The following C1QTNF1 variants were observed in gnomAD, a reference collection of about 807,000 sequenced individuals.
The protein encoded by C1QTNF1 is C1q and TNF related 1.
A neutral mutation model predicts 27.8 loss-of-function variants in C1QTNF1; 22 were observed. That is an observed-to-expected ratio of 0.79 (90% confidence interval 0.56 to 1.13). C1QTNF1 has a LOEUF of 1.13. Ranked by LOEUF, C1QTNF1 falls within the 50% of genes most tolerant of loss-of-function variation. The pLI is 0.00. For missense variants in C1QTNF1, 373 were observed against 380.2 expected (o/e 0.98, Z 0.16); for synonymous variants, 166 against 154.3 (o/e 1.08, Z -0.56).
intron 1 of C1QTNF1, chr17:79,043,241 A>AAGTGTGCATGTGATG: frequency 2.3e-6 from 1 of 441,706 alleles, no homozygotes; most frequent in African/African-American, 2.4e-5. Context: ...TGCATGTGAT[A>AAGTGTGCATGTGATG]TGGGTATATG....
intron 1 of C1QTNF1, among the ~76,000 whole-genome samples, chr17:79,031,012 T>G (rs2072127317): frequency 6.7e-6 from 1 of 150,174 alleles, no homozygotes; most frequent in Non-Finnish European, 1.5e-5. Context: ...TCTTTTCTTT[T>G]TTTTTTTTTT....
In C1QTNF1 at chr17:79,049,641, C is replaced by T. The variant is rs2072702411; in HGVS notation, c.*1553C>T. The T allele has an allele frequency of 6.6e-6, 1 of 152,304 alleles. No individual in the cohort carries two copies. The highest frequency in any genetic ancestry group is 1.5e-5 in the Non-Finnish European group (1 of 68,132). 9.4% of individuals were successfully genotyped at this position (152,304 alleles called of 1,614,324 possible). A position where few individuals can be genotyped will look rare whatever the true frequency, so the allele number is the denominator to read the frequency against. ...GCCTGGCTGCCGGGATCTGGGGTCC[C>T]TAAGTCCCTCTCTTTAAAGAACTTC... On this transcript the variant is annotated 3_prime_UTR_variant, in exon 4 of 4. Transcript: ENST00000579760. The surrounding 1 kb of genome is among the most constrained non-coding windows in gnomAD (Gnocchi z 4.4).
At chr17:79,027,669 G>A (rs1286841803) in intron 1 of C1QTNF1, 9 of 152,326 alleles carry the variant, frequency 5.9e-5, no homozygotes, top group East Asian at 3.8e-4. Context: ...AGAGGCATGC[G>A]GTGTGAGCAG....
chr17:79,030,880 C>T (rs936795935), intron 1 of C1QTNF1, among the ~76,000 whole-genome samples: 13 of 151,914 alleles, frequency 8.6e-5, no homozygotes, highest in East Asian at 3.9e-4. Context: ...GGATTACAGG[C>T]GTGAGCTACT....
At position 79,047,825 on chromosome 17, in the gene C1QTNF1, T is replaced by A. The variant is rs1335744309; in HGVS notation, c.583T>A (p.Phe195Ile). ...FYCYVPGLYF[F>I]SLNVHTWNQK... ...CTGCTACGTGCCCGGCCTCTACTTC[T>A]TCAGCCTCAACGTGCACACCTGGAA... Residue 195 changes from phenylalanine to isoleucine, a missense_variant, in exon 4 of 4, where the codon TTC becomes ATC. Phe to Ile is a conservative substitution (Grantham distance 21). Coordinates refer to ENST00000579760, the MANE Select transcript of C1QTNF1 (RefSeq NM_030968.5). The A allele has an allele frequency of 6.2e-7, 1 of 1,614,202 alleles. No individual in the cohort carries two copies. The highest frequency in any genetic ancestry group is 1.7e-5 in the Admixed American group (1 of 60,024).
chr17:79,028,914 A>ATGTG (rs2072051810), intron 1 of C1QTNF1, among the ~76,000 whole-genome samples: 1 of 144,968 alleles, frequency 6.9e-6, no homozygotes, highest in South Asian at 2.2e-4. Flanking sequence ...GTGTGTGTGC[A>ATGTG]TGCACGCGCG....
At chr17:79,031,644 A>C (rs1403006772) in intron 1 of C1QTNF1, among the ~76,000 whole-genome samples, 1 of 151,754 alleles carries the variant, frequency 6.6e-6, no homozygotes, top group Non-Finnish European at 1.5e-5. Context: ...AAGTTTCACC[A>C]TGTCGGCCAG....
intron 1 of C1QTNF1, among the ~76,000 whole-genome samples, 200 bp downstream of exon 1, chr17:79,024,694 C>T (rs2071879846): frequency 6.6e-6 from 1 of 152,248 alleles, no homozygotes; most frequent in Non-Finnish European, 1.5e-5. Context: ...CTGGCTCAGC[C>T]CCCGCCATAG....
chr17:79,047,610 G>T lies in C1QTNF1; in HGVS notation c.368G>T (p.Gly123Val). The T allele has an allele frequency of 6.3e-7, 1 of 1,578,482 alleles. No homozygotes were observed. The highest frequency in any genetic ancestry group is 8.6e-7 in the Non-Finnish European group (1 of 1,160,974). ...AAAACAGGCTCAGCAGGGGCCAGGG[G>T]CCACACTGGACCCAAAGGGCAGAAG... ...YGKTGSAGAR[G>V]HTGPKGQKGS... Residue 123 changes from glycine to valine, a missense_variant, in exon 4 of 4, where the codon GGC becomes GTC. Transcript: ENST00000579760.
chr17:79,042,217 C>T (rs563939263), intron 1 of C1QTNF1, among the ~76,000 whole-genome samples: 1 of 152,224 alleles, frequency 6.6e-6, no homozygotes, highest in African/African-American at 2.4e-5. Context: ...GGGAGGTTTT[C>T]GGCCCACCTG....
chr17:79,037,415 C>T (rs1226212990), intron 1 of C1QTNF1, among the ~76,000 whole-genome samples: 1 of 152,172 alleles, frequency 6.6e-6, no homozygotes, highest in East Asian at 1.9e-4. Flanking sequence ...AGGTGTGAGC[C>T]ACTGTGCCCG....
chr17:79,033,839 G>T (rs1221605837), intron 1 of C1QTNF1, among the ~76,000 whole-genome samples: 1 of 152,200 alleles, frequency 6.6e-6, no homozygotes. Context: ...CAAACCCCAT[G>T]GCTGAAGAAG....
intron 1 of C1QTNF1, among the ~76,000 whole-genome samples, chr17:79,028,692 G>C (rs1292546720): frequency 2.0e-5 from 3 of 152,176 alleles, no homozygotes; most frequent in African/African-American, 7.2e-5. Context: ...TTGCAACTCA[G>C]AGCTCAGGTC....
At chr17:79,044,457 C>T (rs928922210) in intron 2 of C1QTNF1, among the ~76,000 whole-genome samples, 2 of 152,164 alleles carry the variant, frequency 1.3e-5, no homozygotes, top group Non-Finnish European at 2.9e-5. Flanking sequence ...TCACTTTGTC[C>T]GCTGAGAATA....
chr17:79,037,286 C>T (rs1195156806), intron 1 of C1QTNF1, among the ~76,000 whole-genome samples: 4 of 152,136 alleles, frequency 2.6e-5, no homozygotes, highest in Non-Finnish European at 4.4e-5. Context: ...CGTGCCACCA[C>T]GCCCAGCTAA....
At chr17:79,026,023 C>A in intron 1 of C1QTNF1, 1 of 231,846 alleles carries the variant, frequency 4.3e-6, no homozygotes, top group South Asian at 6.2e-5. Context: ...CTCAACACTT[C>A]TATCAAGGGA....
chr17:79,030,319 T>TTGTGTGTGTGTGTGTG (rs142110810), intron 1 of C1QTNF1, among the ~76,000 whole-genome samples: 5 of 147,830 alleles, frequency 3.4e-5, no homozygotes, highest in Non-Finnish European at 7.5e-5. Flanking sequence ...CTTTGTGGTT[T>TTGTGTGTGTGTGTGTG]TGTGTGTGTG....
intron 1 of C1QTNF1, 67 bp from the exon 2 acceptor site, chr17:79,043,864 CCAGGCTGTTTCTCTCCCCAATTTT>C (rs779472427): frequency 2.1e-6 from 3 of 1,443,562 alleles, no homozygotes; most frequent in Non-Finnish European, 9.7e-7. Flanking sequence ...CCTCCGATTT[CCAGGCTGTTTCTCTCCCCAATTTT>C]CAGGCTGTTT....
intron 1 of C1QTNF1, among the ~76,000 whole-genome samples, chr17:79,042,607 G>C (rs943177358): frequency 1.3e-5 from 2 of 152,260 alleles, no homozygotes; most frequent in African/African-American, 4.8e-5. Context: ...TGAAGGACCT[G>C]GTCATTGAGC....
Sources: gnomAD v4.1 joint callset for allele counts (sites outside exome capture counted in the v4.1 genomes callset) on GRCh38, gnomAD v4.1.1 for gene constraint, Gnocchi (gnomAD v3.1) non-coding constraint, MANE v1.5 for transcripts, NCBI Gene and HGNC (gene_info 2026-07-23, HGNC 2026-07-21) for gene names.